Variants in ARL3 observed in about 807,000 individuals in gnomAD.
ARL3 encodes ADP-ribosylation factor-like protein 3.
Under a neutral mutation model 26.0 loss-of-function variants are expected in ARL3, and 9 were observed. The observed-to-expected ratio is 0.35, with a 90% CI of 0.21 to 0.60. The LOEUF (loss-of-function observed/expected upper bound fraction) is 0.60, where lower values mean the gene tolerates loss of function less well. Among genes scored for constraint, ARL3 ranks in the 20% least tolerant of loss-of-function variants. The probability of loss-of-function intolerance (pLI) is 0.78; values close to 1 mark genes in which losing one functional copy is unlikely to be tolerated. For synonymous variants in ARL3, 71 were observed against 78.4 expected (o/e 0.91, Z 0.50); for missense variants, 158 against 215.7 (o/e 0.73, Z 1.67).
intron 2 of ARL3, 126 bp downstream of exon 2, chr10:102,705,220 A>T (rs771156822): frequency 4.3e-6 from 5 of 1,167,872 alleles, no homozygotes; most frequent in Non-Finnish European, 5.7e-6. Flanking sequence ...TTATCTTTAG[A>T]TTGTATAGAC....
At chr10:102,703,118 CTTT>C (rs1023724116) in intron 2 of ARL3, among the ~76,000 whole-genome samples, 2 of 101,164 alleles carry the variant, frequency 2.0e-5, no homozygotes, top group Admixed American at 1.2e-4. Flanking sequence ...CAGGTCTTGT[CTTT>C]TTTTTTTTTT....
rs1190103886 is a variant in ARL3, at chr10:102,675,742, A to C, written c.*1152T>G. The stretch of plus-strand genomic sequence containing the variant: ...GCTGGGGTGACTCTTGATTCCTTGG[A>C]CACGACCCCTGCAGTCACACACACA... On this transcript the variant is annotated 3_prime_UTR_variant, in exon 6 of 6. Transcript: ENST00000260746. 6.6e-6 allele frequency: 1 copy of C among 152,238 alleles called. No homozygotes were observed. The highest frequency in any genetic ancestry group is 1.5e-5 in the Non-Finnish European group (1 of 68,060). The allele number at this position is 152,238 out of a possible 1,614,324, so 9.4% of individuals were successfully genotyped here.
At chr10:102,697,501 A>G (rs1023080191) in intron 3 of ARL3, among the ~76,000 whole-genome samples, 1 of 152,184 alleles carries the variant, frequency 6.6e-6, no homozygotes, top group Non-Finnish European at 1.5e-5. Flanking sequence ...TTAAGGGACC[A>G]CTATCATTTA....
chr10:102,693,178 A>C (rs1564731143), intron 3 of ARL3, among the ~76,000 whole-genome samples: 1 of 152,234 alleles, frequency 6.6e-6, no homozygotes, highest in Non-Finnish European at 1.5e-5. Context: ...TTTGTGTGGA[A>C]TATCAATTTC....
At chr10:102,700,347 T>G (rs1481789641) in intron 2 of ARL3, among the ~76,000 whole-genome samples, 1 of 132,938 alleles carries the variant, frequency 7.5e-6, no homozygotes, top group Non-Finnish European at 1.5e-5. Flanking sequence ...AGGCAGAGGT[T>G]GCAGTGAGCT....
chr10:102,703,975 AC>A (rs2064295043), intron 2 of ARL3, among the ~76,000 whole-genome samples: 1 of 150,152 alleles, frequency 6.7e-6, no homozygotes, highest in Non-Finnish European at 1.5e-5. Flanking sequence ...CAACGGTGAA[AC>A]CCTGTCTCTA....
At chr10:102,682,308 T>G (rs1220539419) in intron 5 of ARL3, among the ~76,000 whole-genome samples, 1 of 151,996 alleles carries the variant, frequency 6.6e-6, no homozygotes, top group Non-Finnish European at 1.5e-5. Flanking sequence ...TACTCTCTGC[T>G]CCTGATGGTC....
chr10:102,698,311 G>A (rs1031290726), intron 3 of ARL3, among the ~76,000 whole-genome samples: 15 of 151,820 alleles, frequency 9.9e-5, no homozygotes, highest in African/African-American at 3.6e-4. Context: ...GGGCTCAAGC[G>A]ATCCTCCCAC....
chr10:102,681,598 C>A (rs2064156536), intron 5 of ARL3, among the ~76,000 whole-genome samples: 1 of 151,992 alleles, frequency 6.6e-6, no homozygotes, highest in African/African-American at 2.4e-5. Flanking sequence ...GTGACCTGCT[C>A]ATGGCTCCTG....
At chr10:102,691,336 T>C (rs551730888) in intron 3 of ARL3, among the ~76,000 whole-genome samples, 220 of 138,240 alleles carry the variant, frequency 1.6e-3, no homozygotes, top group Non-Finnish European at 2.9e-3. Context: ...TGTGATCTCA[T>C]TGTTCAATTC....
chr10:102,692,831 C>T (rs1481090781), intron 3 of ARL3, among the ~76,000 whole-genome samples: 1 of 152,224 alleles, frequency 6.6e-6, no homozygotes, highest in Non-Finnish European at 1.5e-5. Flanking sequence ...GCCTCAGCCT[C>T]CCTAGTAGGC....
intron 1 of ARL3, among the ~76,000 whole-genome samples, chr10:102,713,096 T>A (rs979870347): frequency 6.8e-6 from 1 of 147,310 alleles, no homozygotes; most frequent in Non-Finnish European, 1.5e-5. Context: ...TTTTTTTTTT[T>A]ACTTCTTAAA....
intron 1 of ARL3, among the ~76,000 whole-genome samples, chr10:102,709,883 A>G (rs2064329487): frequency 6.6e-6 from 1 of 151,920 alleles, no homozygotes; most frequent in Admixed American, 6.6e-5. Context: ...AAATACAAAA[A>G]ATTGGCCAGG....
rs1381410555 is a variant in ARL3, at chr10:102,705,386, T to G, written c.107A>C (p.Gln36Pro). ...DNAGKTTLLK[Q>P]LASEDISHIT... is the part of the protein sequence containing the mutation. ...GTGGCTGATGTCTTCAGATGCAAGC[T>G]GCTTCAGAAGAGTGGTCTTGCCAGC... The change falls in exon 2 of 6, where the codon CAG (glutamine) becomes CCG (proline). Residue 36 changes from glutamine to proline, a missense_variant. By Grantham distance (76) the Gln-to-Pro change is moderately conservative (BLOSUM62 -1). Transcript: ENST00000260746. 1 of 1,611,440 alleles carries G rather than the reference T, an allele frequency of 6.2e-7. No homozygotes were observed. Among genetic ancestry groups the G allele is most frequent in the Non-Finnish European group, 8.5e-7 (1 of 1,178,454 alleles).
At chr10:102,713,791 C>T (rs565039981) in intron 1 of ARL3, among the ~76,000 whole-genome samples, 2 of 152,356 alleles carry the variant, frequency 1.3e-5, no homozygotes, top group Non-Finnish European at 2.9e-5. Context: ...GAGAGCTAGG[C>T]TACCATCTCC....
rs2064125538 is a variant in ARL3 at position 102,675,511 on chromosome 10, CCT to C, written c.*1381_*1382del. ...GTCTCTTATTCATTCTCTGAAAACC[CCT>C]GAGCTCAGGCACCAGAACAGAGTTT... On this transcript the variant is annotated 3_prime_UTR_variant, in exon 6 of 6. Transcript: ENST00000260746. 6.6e-6 allele frequency: 1 copy of C among 152,330 alleles called. No homozygotes were observed. Among genetic ancestry groups the C allele is most frequent in the Admixed American group, 6.5e-5 (1 of 15,298 alleles). The allele number at this position is 152,330 out of a possible 1,614,324, so 9.4% of individuals were successfully genotyped here.
At chr10:102,684,288 A>T (rs557278888) in intron 5 of ARL3, among the ~76,000 whole-genome samples, 31 of 152,204 alleles carry the variant, frequency 2.0e-4, no homozygotes, top group African/African-American at 7.0e-4. Flanking sequence ...AGCTGGGACT[A>T]CAGGTGCCCG....
chr10:102,711,859 A>G (rs1007345986), intron 1 of ARL3, among the ~76,000 whole-genome samples: 1 of 152,216 alleles, frequency 6.6e-6, no homozygotes, highest in Non-Finnish European at 1.5e-5. Flanking sequence ...ATGACACATA[A>G]CAGCCACTGA....
At chr10:102,688,225 A>G (rs376917178) in intron 4 of ARL3, among the ~76,000 whole-genome samples, 2 of 152,342 alleles carry the variant, frequency 1.3e-5, no homozygotes, top group East Asian at 1.9e-4. Context: ...CATTTTAGCT[A>G]CTTAAAACAC....
Sources: gnomAD v4.1 joint callset for allele counts (sites outside exome capture counted in the v4.1 genomes callset) on GRCh38, gnomAD v4.1.1 for gene constraint, MANE v1.5 for transcripts, NCBI Gene and HGNC (gene_info 2026-07-23, HGNC 2026-07-21) for gene names.